Variants in CNTN4 observed in about 807,000 individuals in gnomAD.
CNTN4 encodes the protein contactin 4.
A neutral mutation model predicts 122.5 loss-of-function variants in CNTN4; 77 were observed. The ratio of observed to expected loss-of-function variants is 0.63; its 90% CI spans 0.52 to 0.76. The LOEUF is 0.76. Ranked by LOEUF, CNTN4 falls within the 30% of genes least tolerant of loss-of-function variation. The pLI is 0.00. For synonymous variants in CNTN4, 512 were observed against 447.0 expected, an observed-to-expected ratio of 1.15 and a Z score of -1.83; for missense variants, 1,256 against 1,259.1, an observed-to-expected ratio of 1.00 and a Z score of 0.04.
chr3:2,904,957 A>C (rs1219960002), intron 12 of CNTN4, among the ~76,000 whole-genome samples: 1 of 152,196 alleles, frequency 6.6e-6, no homozygotes, highest in Non-Finnish European at 1.5e-5. Flanking sequence ...TGACTCCAAC[A>C]AAGTGAGAAA....
intron 2 of CNTN4, among the ~76,000 whole-genome samples, chr3:2,248,554 A>G (rs758259898): frequency 8.6e-5 from 13 of 151,982 alleles, no homozygotes; most frequent in Non-Finnish European, 1.9e-4. Flanking sequence ...CCCCCCAAAT[A>G]TTTTTTAAAG....
chr3:2,315,802 T>A (rs535580032), intron 2 of CNTN4, among the ~76,000 whole-genome samples: 2 of 152,196 alleles, frequency 1.3e-5, no homozygotes, highest in South Asian at 4.1e-4. Context: ...AATTATGAAT[T>A]ATGTTACTAT....
At chr3:2,287,640 GAAGAAGA>G (rs1559415206) in intron 2 of CNTN4, among the ~76,000 whole-genome samples, 6,599 of 57,786 alleles carry the variant, frequency 0.11, 426 homozygotes, top group Middle Eastern at 0.17. Flanking sequence ...AGGAGAAGAA[GAAGAAGA>G]AGAAGAAGAA....
intron 6 of CNTN4, among the ~76,000 whole-genome samples, chr3:2,810,240 G>A (rs534274302): frequency 6.6e-5 from 10 of 152,150 alleles, no homozygotes; most frequent in South Asian, 2.1e-4. Context: ...GGTGAAGACC[G>A]AATGAATAAA....
At chr3:2,293,871 A>G (rs1046173497) in intron 2 of CNTN4, among the ~76,000 whole-genome samples, 12 of 152,238 alleles carry the variant, frequency 7.9e-5, no homozygotes, top group African/African-American at 2.6e-4. Context: ...CTGTGTCACA[A>G]ACCCCAAAAC....
chr3:2,767,272 G>A (rs1559481324), intron 6 of CNTN4, among the ~76,000 whole-genome samples: 1 of 152,168 alleles, frequency 6.6e-6, no homozygotes, highest in Non-Finnish European at 1.5e-5. Context: ...GATCTGGGGA[G>A]AGGGGGAGGG....
chr3:2,434,584 C>G (rs1169229403), intron 3 of CNTN4, among the ~76,000 whole-genome samples: 1 of 152,148 alleles, frequency 6.6e-6, no homozygotes, highest in Non-Finnish European at 1.5e-5. Flanking sequence ...TTTGTAATTT[C>G]CGGGGCTGGC....
At chr3:2,481,006 A>ATTCT (rs34152000) in intron 3 of CNTN4, among the ~76,000 whole-genome samples, 20,953 of 123,724 alleles carry the variant, frequency 0.17, 1,766 homozygotes, top group Middle Eastern at 0.26. Flanking sequence ...AGTTTTTTTA[A>ATTCT]TTCTTTCTTT....
At chr3:2,562,943 G>A (rs1032167360) in intron 3 of CNTN4, among the ~76,000 whole-genome samples, 22 of 152,084 alleles carry the variant, frequency 1.4e-4, no homozygotes, top group African/African-American at 4.6e-4. Context: ...GCCCTGGCTG[G>A]TCTCGAAGTC....
intron 2 of CNTN4, among the ~76,000 whole-genome samples, chr3:2,140,588 A>C (rs2034943755): frequency 6.6e-6 from 1 of 152,080 alleles, no homozygotes; most frequent in African/African-American, 2.4e-5. Flanking sequence ...AAGGGCGCTA[A>C]CCCCATTCAT....
chr3:2,250,747 G>A (rs1042398738), intron 2 of CNTN4, among the ~76,000 whole-genome samples: 2 of 151,868 alleles, frequency 1.3e-5, no homozygotes, highest in Admixed American at 6.6e-5. Context: ...CATACTAAAT[G>A]TTATCCCTCA....
chr3:2,387,676 A>G (rs1028060354), intron 3 of CNTN4, among the ~76,000 whole-genome samples: 2 of 152,302 alleles, frequency 1.3e-5, no homozygotes, highest in South Asian at 4.1e-4. Context: ...TTTCATTTCT[A>G]AGCTCTTTTC....
At position 2,098,920 on chromosome 3, in the gene CNTN4, C is replaced by T. The variant is rs1210591982; in HGVS notation, c.-285C>T. ...GAGCTTTCGCCGCCGCCCCGGGCCC[C>T]TCGGACTGTGCCGGCGCCGCACCCG... On this transcript the variant is annotated 5_prime_UTR_variant, in exon 1 of 25. Transcript: ENST00000418658. 1 of 152,266 alleles carries T rather than the reference C, an allele frequency of 6.6e-6. No individual in the cohort carries two copies. The highest frequency in any genetic ancestry group is 1.5e-5 in the Non-Finnish European group (1 of 68,096). The allele number at this position is 152,266 out of a possible 1,614,324, so 9.4% of individuals were successfully genotyped here.
At chr3:2,639,948 C>G (rs2082829807) in intron 4 of CNTN4, among the ~76,000 whole-genome samples, 1 of 152,176 alleles carries the variant, frequency 6.6e-6, no homozygotes, top group Admixed American at 6.5e-5. Flanking sequence ...AGGGCTAGAA[C>G]TGTCAAAAAG....
intron 14 of CNTN4, among the ~76,000 whole-genome samples, chr3:2,992,921 T>C (rs950392555): frequency 6.6e-6 from 1 of 152,126 alleles, no homozygotes; most frequent in African/African-American, 2.4e-5. Flanking sequence ...TGGGCCTCAC[T>C]CCTACCCTAA....
chr3:2,950,594 G>A (rs541426358), intron 13 of CNTN4, among the ~76,000 whole-genome samples: 35 of 152,308 alleles, frequency 2.3e-4, no homozygotes, highest in South Asian at 6.2e-4. Context: ...AAAATGGTGC[G>A]CATTGCCCAG....
rs111791450 is a variant in CNTN4 at position 2,317,243 on chromosome 3, A to T, written c.-144-21935A>T. Among the ~76,000 whole-genome samples the T allele has an allele frequency of 7.9e-4, 121 of 152,364 alleles. 1 individual carries two copies. The highest frequency in any genetic ancestry group is 2.8e-3 in the African/African-American group (117 of 41,578). ...TATCATAAAGAAGACAAGTTTGCAT[A>T]TCTGAATTCAATTAACAGTGGTACT... On this transcript the variant is annotated intron_variant, in intron 2 of 24. Coordinates refer to ENST00000418658, the MANE Select transcript of CNTN4 (RefSeq NM_175607.3).
intron 2 of CNTN4, among the ~76,000 whole-genome samples, chr3:2,170,203 C>T (rs11925308): frequency 0.29 from 43,413 of 150,312 alleles, 6,716 homozygotes; most frequent in African/African-American, 0.44. Context: ...GCCTGTAGTC[C>T]CAGCTACTCG....
Position 2,269,759 on chromosome 3 carries a change from C to T in CNTN4, c.-144-69419C>T, listed in dbSNP as rs907383735. On this transcript the variant is annotated intron_variant, in intron 2 of 24. Coordinates refer to ENST00000418658, the MANE Select transcript of CNTN4 (RefSeq NM_175607.3). ...AGAGACCTGATGGATTACAGAGTCT[C>T]TACCCTTATTTATAAAAAACGATGA... Among the ~76,000 whole-genome samples, 3 of 152,018 alleles carry T rather than the reference C, an allele frequency of 2.0e-5. No homozygotes were observed. The East Asian group carries it at 5.8e-4, about 29-fold the overall frequency.
Sources: allele counts gnomAD v4.1 joint callset (sites outside exome capture counted in the v4.1 genomes callset), GRCh38; gene constraint gnomAD v4.1.1; transcripts MANE v1.5; gene names NCBI Gene and HGNC (gene_info 2026-07-23, HGNC 2026-07-21).